The following PHF24 variants were observed in gnomAD, a reference collection of about 807,000 sequenced individuals.
The protein encoded by PHF24 is Galpha inhibitory interacting protein.
PHF24 carries 25 observed loss-of-function variants against 42.6 expected under a neutral mutation model. That is an observed-to-expected ratio of 0.59 (90% CI 0.43 to 0.82). The LOEUF (loss-of-function observed/expected upper bound fraction) is 0.82. Ranked by LOEUF, PHF24 falls within the 40% of genes least tolerant of loss-of-function variation. The pLI is 0.00. For synonymous variants in PHF24, 185 were observed against 204.8 expected (o/e 0.90, Z 0.83); for missense variants, 470 against 538.1 (o/e 0.87, Z 1.25).
the PHF24 span, among the ~76,000 whole-genome samples, chr9:34,748,734 G>T: frequency 6.6e-6 from 1 of 152,086 alleles, no homozygotes; most frequent in Non-Finnish European, 1.5e-5. Flanking sequence ...AGAAGGATGG[G>T]TATGAACAAG....
chr9:34,949,097 G>C, the PHF24 span, among the ~76,000 whole-genome samples: 8 of 152,168 alleles, frequency 5.3e-5, no homozygotes, highest in Non-Finnish European at 8.8e-5. Flanking sequence ...TCCTCTCTCT[G>C]TAATCAATAG....
the PHF24 span, among the ~76,000 whole-genome samples, chr9:34,670,751 T>C: frequency 6.6e-6 from 1 of 152,132 alleles, no homozygotes; most frequent in South Asian, 2.1e-4. Flanking sequence ...GAGGTAGGAA[T>C]GTGTCTCCTC....
chr9:34,885,234 G>A, the PHF24 span, among the ~76,000 whole-genome samples: 1,783 of 152,266 alleles, frequency 0.012, 26 homozygotes, highest in African/African-American at 0.04. Flanking sequence ...TAGGGACTGG[G>A]CCCCCATCCC....
At chr9:34,709,571 G>A in the PHF24 span, 4 of 1,614,152 alleles carry the variant, frequency 2.5e-6, no homozygotes, top group Non-Finnish European at 2.5e-6. Flanking sequence ...TGCAGCCCTG[G>A]GCTGGTTTCT....
At chr9:34,897,612 T>TA in the PHF24 span, among the ~76,000 whole-genome samples, 1 of 152,240 alleles carries the variant, frequency 6.6e-6, no homozygotes, top group Non-Finnish European at 1.5e-5. Flanking sequence ...TTGAACTAGC[T>TA]ATAAGGAAAA....
chr9:34,975,688 G>A (rs1382837721), intron 3 of PHF24, among the ~76,000 whole-genome samples: 3 of 151,800 alleles, frequency 2.0e-5, no homozygotes, highest in African/African-American at 4.9e-5. Context: ...AGCAGAGCTA[G>A]GATTAAACTT....
At chr9:34,767,031 C>T in the PHF24 span, among the ~76,000 whole-genome samples, 6 of 152,158 alleles carry the variant, frequency 3.9e-5, no homozygotes, top group Non-Finnish European at 8.8e-5. Context: ...TCGTGAACCG[C>T]GAATGCTGCT....
the PHF24 span, among the ~76,000 whole-genome samples, chr9:34,845,479 C>A: frequency 6.6e-6 from 1 of 151,914 alleles, no homozygotes; most frequent in African/African-American, 2.4e-5. Context: ...TACTCTTTAT[C>A]TTTTGTGTAT....
At chr9:34,718,683 A>G in the PHF24 span, among the ~76,000 whole-genome samples, 5 of 152,202 alleles carry the variant, frequency 3.3e-5, no homozygotes, top group Admixed American at 3.3e-4. Flanking sequence ...CAGTGTCTCC[A>G]TGGAGTCTAT....
chr9:34,896,097 T>A, the PHF24 span, among the ~76,000 whole-genome samples: 2 of 152,154 alleles, frequency 1.3e-5, no homozygotes, highest in Admixed American at 1.3e-4. Flanking sequence ...TGACACCTAG[T>A]GTGCATATGA....
the PHF24 span, among the ~76,000 whole-genome samples, chr9:34,700,742 T>C: frequency 6.6e-6 from 1 of 152,120 alleles, no homozygotes; most frequent in Non-Finnish European, 1.5e-5. Flanking sequence ...AGAGTGAGTG[T>C]AGATAGAAGA....
chr9:34,931,281 CAGG>C, the PHF24 span, among the ~76,000 whole-genome samples: 1 of 147,572 alleles, frequency 6.8e-6, no homozygotes, highest in East Asian at 2.0e-4. Flanking sequence ...GAGGCTGAGG[CAGG>C]AGAATGGCAT....
the PHF24 span, among the ~76,000 whole-genome samples, chr9:34,787,043 G>A: frequency 5.9e-5 from 9 of 152,074 alleles, no homozygotes; most frequent in Admixed American, 1.3e-4. Flanking sequence ...TGTGGCCAGC[G>A]CTCACCTCCA....
the PHF24 span, among the ~76,000 whole-genome samples, chr9:34,810,731 G>A: frequency 6.6e-6 from 1 of 152,164 alleles, no homozygotes; most frequent in Admixed American, 6.5e-5. Flanking sequence ...TCTGACCACC[G>A]TGGCCCAGAG....
At chr9:34,840,218 A>G in the PHF24 span, among the ~76,000 whole-genome samples, 1 of 152,148 alleles carries the variant, frequency 6.6e-6, no homozygotes, top group Non-Finnish European at 1.5e-5. Flanking sequence ...AAAAGGTAGA[A>G]GAAGATATAA....
the PHF24 span, among the ~76,000 whole-genome samples, chr9:34,879,936 AG>A: frequency 5.9e-5 from 9 of 152,170 alleles, no homozygotes; most frequent in Admixed American, 4.6e-4. Context: ...AAAAATATTA[AG>A]GGTAGCCAGA....
chr9:34,785,265 A>C, the PHF24 span, among the ~76,000 whole-genome samples: 3 of 152,224 alleles, frequency 2.0e-5, no homozygotes, highest in African/African-American at 7.2e-5. Flanking sequence ...ATGAATAAAA[A>C]GAGACAAACT....
chr9:34,977,735 C>T, intron 7 of PHF24, 94 bp downstream of exon 7: 1 of 1,093,290 alleles, frequency 9.1e-7, no homozygotes. Flanking sequence ...CACTCCAAAA[C>T]AGCAAGCGCC....
chr9:34,919,709 C>CACACACACACACACACACACACAT, the PHF24 span, among the ~76,000 whole-genome samples: 1 of 152,038 alleles, frequency 6.6e-6, no homozygotes, highest in Non-Finnish European at 1.5e-5. Flanking sequence ...CACACACACA[C>CACACACACACACACACACACACAT]ATCCCAACCC....
Sources: allele counts gnomAD v4.1 joint callset (sites outside exome capture counted in the v4.1 genomes callset), GRCh38; gene constraint gnomAD v4.1.1; transcripts MANE v1.5; gene names NCBI Gene and HGNC (gene_info 2026-07-23, HGNC 2026-07-21).